The following AZIN2 variants were observed in gnomAD, a reference collection of about 807,000 sequenced individuals.
AZIN2 encodes ODC antizyme inhibitor-2.
A neutral mutation model predicts 47.8 loss-of-function variants in AZIN2; 28 were observed. That is an observed-to-expected ratio of 0.59 (90% CI 0.43 to 0.80). The LOEUF is 0.80. AZIN2 is among the 30% of genes least tolerant of loss of function. The pLI is 0.00. For missense variants in AZIN2, 535 were observed against 582.5 expected (o/e 0.92, Z 0.84); for synonymous variants, 221 against 239.4 (o/e 0.92, Z 0.71).
At chr1:33,148,333 C>T in the AZIN2 span, among the ~76,000 whole-genome samples, 1 of 152,162 alleles carries the variant, frequency 6.6e-6, no homozygotes, top group Non-Finnish European at 1.5e-5. Flanking sequence ...CATGTATAAA[C>T]ATGAAATTTT....
chr1:33,131,719 T>A, the AZIN2 span, among the ~76,000 whole-genome samples: 1 of 152,174 alleles, frequency 6.6e-6, no homozygotes, highest in Non-Finnish European at 1.5e-5. Flanking sequence ...TTATTTTGGC[T>A]ATTAGAAAAT....
At chr1:33,100,950 C>T (rs1386678983) in intron 10 of AZIN2, among the ~76,000 whole-genome samples, 5 of 151,044 alleles carry the variant, frequency 3.3e-5, no homozygotes, top group Admixed American at 3.3e-4. Context: ...CAACCTCTGC[C>T]TCCTAGGTTC....
the AZIN2 span, chr1:33,165,659 G>A: frequency 7.6e-5 from 85 of 1,118,950 alleles, no homozygotes; most frequent in African/African-American, 1.3e-3. The surrounding 1 kb of genome is among the most constrained non-coding windows in gnomAD (Gnocchi z 4.0). Flanking sequence ...GGTTAGCCTG[G>A]TCTCTGTCCC....
Position 33,121,344 on chromosome 1 carries a change from C to T in AZIN2, c.*1162C>T, listed in dbSNP as rs1456162159. Among the ~76,000 whole-genome samples the T allele has an allele frequency of 6.6e-6, 1 of 152,158 alleles. No individual in the cohort carries two copies. The highest frequency in any genetic ancestry group is 2.4e-5 in the African/African-American group (1 of 41,440). On this transcript the variant is annotated 3_prime_UTR_variant, in exon 12 of 12. Coordinates refer to ENST00000294517, the MANE Select transcript of AZIN2 (RefSeq NM_052998.4). ...TTTGGGAGGCTGAGGCAGGTGATCACCTGAGGTCAGGAGTTCGAGACCAGC... is the reference window on the plus strand; with the variant it reads ...TTTGGGAGGCTGAGGCAGGTGATCATCTGAGGTCAGGAGTTCGAGACCAGC...
At chr1:33,110,877 G>T (rs1230766430) in intron 10 of AZIN2, among the ~76,000 whole-genome samples, 6 of 152,142 alleles carry the variant, frequency 3.9e-5, no homozygotes, top group African/African-American at 1.4e-4. Flanking sequence ...TACTAAAAGG[G>T]GTAAAATCAG....
At chr1:33,137,206 G>A in the AZIN2 span, among the ~76,000 whole-genome samples, 1 of 152,110 alleles carries the variant, frequency 6.6e-6, no homozygotes, top group African/African-American at 2.4e-5. Flanking sequence ...GTAGTATGGG[G>A]ACTGGAGGCT....
chr1:33,134,716 C>A, the AZIN2 span, among the ~76,000 whole-genome samples: 1 of 152,238 alleles, frequency 6.6e-6, no homozygotes, highest in Non-Finnish European at 1.5e-5. Context: ...ACATGCGGGT[C>A]TCTGGGTTCT....
chr1:33,158,387 A>C, the AZIN2 span: 1 of 1,607,636 alleles, frequency 6.2e-7, no homozygotes, highest in Non-Finnish European at 8.5e-7. Context: ...AGAGCAGGAA[A>C]GGGGGCTGCA....
At chr1:33,131,506 C>T in the AZIN2 span, among the ~76,000 whole-genome samples, 1 of 152,154 alleles carries the variant, frequency 6.6e-6, no homozygotes, top group East Asian at 1.9e-4. Flanking sequence ...GTAAAATACA[C>T]CCTAGATTTC....
At chr1:33,088,024 C>T (rs1285930614) in intron 5 of AZIN2, among the ~76,000 whole-genome samples, 4 of 152,180 alleles carry the variant, frequency 2.6e-5, no homozygotes. Flanking sequence ...CATCTTCTGC[C>T]ACTCTCTAAA....
intron 10 of AZIN2, among the ~76,000 whole-genome samples, chr1:33,109,286 C>T (rs1387005891): frequency 6.6e-6 from 1 of 150,682 alleles, no homozygotes; most frequent in Non-Finnish European, 1.5e-5. Flanking sequence ...CAACTATTTT[C>T]TCCCAGTCTG....
chr1:33,147,428 C>T, the AZIN2 span: 8 of 1,614,010 alleles, frequency 5.0e-6, no homozygotes, highest in African/African-American at 1.3e-5. The surrounding 1 kb of genome is among the most constrained non-coding windows in gnomAD (Gnocchi z 8.1). Flanking sequence ...TGGTTGCCAT[C>T]GTGCATCACG....
At chr1:33,158,358 T>C in the AZIN2 span, 1 of 1,613,454 alleles carries the variant, frequency 6.2e-7, no homozygotes, top group Admixed American at 1.7e-5. Context: ...TCATGGATTT[T>C]TCCCTTGAGC....
chr1:33,085,056 A>G (rs1641732394), intron 5 of AZIN2, among the ~76,000 whole-genome samples: 1 of 152,206 alleles, frequency 6.6e-6, no homozygotes, highest in Non-Finnish European at 1.5e-5. Flanking sequence ...TGTCCTTGCT[A>G]GATAAAAGCA....
At chr1:33,104,113 C>T (rs975390087) in intron 10 of AZIN2, among the ~76,000 whole-genome samples, 1 of 152,136 alleles carries the variant, frequency 6.6e-6, no homozygotes, top group Non-Finnish European at 1.5e-5. Context: ...GAACTCCTGA[C>T]CTCAAGTGAT....
intron 6 of AZIN2, 44 bp downstream of exon 6, chr1:33,092,266 C>A: frequency 6.9e-7 from 1 of 1,452,958 alleles, no homozygotes; most frequent in Non-Finnish European, 9.2e-7. Flanking sequence ...TGTGGGGAGC[C>A]TGGGCTGTGG....
At chr1:33,159,720 G>C in the AZIN2 span, 7 of 1,611,356 alleles carry the variant, frequency 4.3e-6, no homozygotes, top group Non-Finnish European at 5.9e-6. The surrounding 1 kb of genome is among the most constrained non-coding windows in gnomAD (Gnocchi z 4.2). Context: ...CAGCCAGGAA[G>C]GTGTGCCGGT....
At chr1:33,118,149 G>C in intron 11 of AZIN2, 33 bp downstream of exon 11, 1 of 1,498,992 alleles carries the variant, frequency 6.7e-7, no homozygotes, top group South Asian at 1.4e-5. Flanking sequence ...TGGGGGTATG[G>C]GGAGGAACTG....
chr1:33,115,619 G>T (rs550585033), intron 10 of AZIN2, among the ~76,000 whole-genome samples: 1 of 304 alleles, frequency 3.3e-3, no homozygotes, highest in East Asian at 0.05. Context: ...CAGGAGAATC[G>T]CTGAACCCAG....
Sources: allele counts gnomAD v4.1 joint callset (sites outside exome capture counted in the v4.1 genomes callset), GRCh38; gene constraint gnomAD v4.1.1; non-coding constraint Gnocchi (gnomAD v3.1); transcripts MANE v1.5; gene names NCBI Gene and HGNC (gene_info 2026-07-23, HGNC 2026-07-21).